The following ZFAT variants were observed in gnomAD, a reference collection of about 807,000 sequenced individuals.
The protein encoded by ZFAT is zinc finger and AT-hook domain containing.
In ZFAT, 64 loss-of-function variants were observed where a neutral mutation model predicts 117.7. The ratio of observed to expected loss-of-function variants is 0.54; its 90% CI spans 0.44 to 0.67. ZFAT has a LOEUF of 0.67. Among genes scored for constraint, ZFAT ranks in the 30% least tolerant of loss-of-function variants. The pLI, the probability that ZFAT is intolerant of heterozygous loss-of-function variation, is 0.00. For synonymous variants in ZFAT, 679 were observed against 615.0 expected, an observed-to-expected ratio of 1.10 and a Z score of -1.54; for missense variants, 1,433 against 1,584.5, an observed-to-expected ratio of 0.90 and a Z score of 1.62.
the ZFAT span, among the ~76,000 whole-genome samples, chr8:134,803,451 A>C: frequency 6.6e-6 from 1 of 152,186 alleles, no homozygotes; most frequent in Non-Finnish European, 1.5e-5. Flanking sequence ...AATATGCAAT[A>C]AATCTGCTTT....
chr8:134,648,760 G>A (rs1441422999), intron 2 of ZFAT, among the ~76,000 whole-genome samples: 17 of 152,034 alleles, frequency 1.1e-4, no homozygotes, highest in Admixed American at 1.1e-3. Flanking sequence ...AAATAGAAGA[G>A]GAGGGAACAC....
At chr8:134,635,541 T>C (rs1830150656) in intron 3 of ZFAT, among the ~76,000 whole-genome samples, 1 of 152,038 alleles carries the variant, frequency 6.6e-6, no homozygotes, top group South Asian at 2.1e-4. Context: ...TAGCACTGAT[T>C]AAAATGCAAC....
the ZFAT span, among the ~76,000 whole-genome samples, chr8:134,791,392 T>C: frequency 5.1e-4 from 77 of 152,170 alleles, no homozygotes; most frequent in African/African-American, 1.8e-3. Flanking sequence ...GCTGTTAAAG[T>C]CTCAGGGTCC....
the ZFAT span, among the ~76,000 whole-genome samples, chr8:134,827,184 T>TG: frequency 6.6e-6 from 1 of 152,162 alleles, no homozygotes; most frequent in East Asian, 1.9e-4. Context: ...CACAAGTAGC[T>TG]GGGACTACAG....
At chr8:134,563,754 G>A (rs1284472826) in intron 11 of ZFAT, among the ~76,000 whole-genome samples, 2 of 152,160 alleles carry the variant, frequency 1.3e-5, no homozygotes, top group Non-Finnish European at 2.9e-5. Flanking sequence ...GTGCCTGCAC[G>A]CAATGGATGT....
intron 15 of ZFAT, among the ~76,000 whole-genome samples, chr8:134,491,720 C>T (rs1818070588): frequency 1.3e-5 from 2 of 152,178 alleles, no homozygotes; most frequent in Admixed American, 1.3e-4. Context: ...CTTCCTCTTC[C>T]CCATTTAAGG....
At chr8:134,824,010 T>A in the ZFAT span, among the ~76,000 whole-genome samples, 13 of 152,232 alleles carry the variant, frequency 8.5e-5, no homozygotes, top group Non-Finnish European at 1.5e-4. Flanking sequence ...AATGCAATAA[T>A]TCAACAGACA....
the ZFAT span, among the ~76,000 whole-genome samples, chr8:134,769,358 C>G: frequency 6.6e-6 from 1 of 152,218 alleles, no homozygotes; most frequent in Non-Finnish European, 1.5e-5. Flanking sequence ...AGAAGGGCTA[C>G]AGGCCCCATG....
At chr8:134,790,296 A>G in the ZFAT span, among the ~76,000 whole-genome samples, 1 of 152,176 alleles carries the variant, frequency 6.6e-6, no homozygotes, top group African/African-American at 2.4e-5. Context: ...CTTTTGTTAA[A>G]GTAATAGAAT....
intron 11 of ZFAT, among the ~76,000 whole-genome samples, chr8:134,557,907 G>A (rs1823770202): frequency 6.6e-6 from 1 of 152,212 alleles, no homozygotes; most frequent in Non-Finnish European, 1.5e-5. Context: ...CTGTTTACAG[G>A]AGAACATTTT....
chr8:134,544,349 A>T (rs1207272790), intron 11 of ZFAT, among the ~76,000 whole-genome samples: 1 of 152,180 alleles, frequency 6.6e-6, no homozygotes, highest in Non-Finnish European at 1.5e-5. Context: ...AAAAGGGAAG[A>T]TTGCTTGCCT....
At chr8:134,696,651 G>A (rs1833857954) in intron 1 of ZFAT, 2 of 977,818 alleles carry the variant, frequency 2.0e-6, no homozygotes, top group South Asian at 4.7e-5. Flanking sequence ...GGTGGGACAG[G>A]GCATCCTGCC....
At chr8:134,582,548 T>G (rs1825783825) in intron 10 of ZFAT, among the ~76,000 whole-genome samples, 1 of 152,254 alleles carries the variant, frequency 6.6e-6, no homozygotes. Context: ...ATGCTTTCAT[T>G]ATTCAAGTAT....
chr8:134,819,415 C>T, the ZFAT span, among the ~76,000 whole-genome samples: 8,260 of 151,658 alleles, frequency 0.054, 484 homozygotes, highest in African/African-American at 0.15. Flanking sequence ...AAAATATTAT[C>T]CCAAGACATT....
the ZFAT span, among the ~76,000 whole-genome samples, chr8:134,760,143 C>T: frequency 2.6e-5 from 4 of 151,516 alleles, no homozygotes; most frequent in Non-Finnish European, 5.9e-5. Context: ...TGACGGGCAC[C>T]TGCAGTCCCA....
chr8:134,544,449 T>TG (rs1338213840), intron 11 of ZFAT, among the ~76,000 whole-genome samples: 1 of 148,462 alleles, frequency 6.7e-6, no homozygotes, highest in Non-Finnish European at 1.5e-5. Context: ...GGTTGAAATT[T>TG]TTTTTTAAAA....
chr8:134,543,793 T>C (rs956503524), intron 11 of ZFAT, among the ~76,000 whole-genome samples: 5 of 152,178 alleles, frequency 3.3e-5, no homozygotes, highest in Non-Finnish European at 7.3e-5. Flanking sequence ...TGCTGACCCA[T>C]TCATTCCAAG....
chr8:134,755,761 G>A, the ZFAT span, among the ~76,000 whole-genome samples: 35 of 134,064 alleles, frequency 2.6e-4, no homozygotes, highest in Admixed American at 2.6e-3. Context: ...GCAGTTAGCC[G>A]AGATCACGCC....
chr8:134,784,639 T>C, the ZFAT span: 66 of 152,274 alleles, frequency 4.3e-4, no homozygotes, highest in Non-Finnish European at 8.7e-4. Context: ...TGCCATTTCA[T>C]ATAAAAAGAA....
Sources: gnomAD v4.1 joint callset for allele counts (sites outside exome capture counted in the v4.1 genomes callset) on GRCh38, gnomAD v4.1.1 for gene constraint, MANE v1.5 for transcripts, NCBI Gene and HGNC (gene_info 2026-07-23, HGNC 2026-07-21) for gene names.